Variants in ADORA2B observed in about 807,000 individuals in gnomAD.
The protein encoded by ADORA2B is adenosine receptor A2b.
ADORA2B carries 18 observed loss-of-function variants against 20.8 expected under a neutral mutation model. The ratio of observed to expected loss-of-function variants is 0.87; its 90% CI spans 0.60 to 1.29. ADORA2B has a LOEUF of 1.29. Among genes scored for constraint, ADORA2B ranks in the 50% most tolerant of loss-of-function variants. The pLI is 0.00. For synonymous variants in ADORA2B, 179 were observed against 178.3 expected, an observed-to-expected ratio of 1.00 and a Z score of -0.03; for missense variants, 441 against 422.7, an observed-to-expected ratio of 1.04 and a Z score of -0.38.
the ADORA2B span, among the ~76,000 whole-genome samples, chr17:15,903,396 GTC>G: frequency 3.3e-5 from 5 of 152,186 alleles, no homozygotes; most frequent in African/African-American, 1.2e-4. Flanking sequence ...CTGTATTTTT[GTC>G]TAGATACAGT....
the ADORA2B span, among the ~76,000 whole-genome samples, chr17:15,912,125 G>C: frequency 6.6e-6 from 1 of 150,692 alleles, no homozygotes; most frequent in Non-Finnish European, 1.5e-5. Flanking sequence ...GAGGCAGGGA[G>C]AATCGCTTGA....
chr17:15,857,857 A>G, the ADORA2B span, among the ~76,000 whole-genome samples: 16 of 151,956 alleles, frequency 1.1e-4, no homozygotes, highest in African/African-American at 3.9e-4. Context: ...TCCTTCTGTG[A>G]CCGGCTTCTT....
At chr17:15,878,065 A>C in the ADORA2B span, among the ~76,000 whole-genome samples, 1 of 151,964 alleles carries the variant, frequency 6.6e-6, no homozygotes, top group Non-Finnish European at 1.5e-5. Flanking sequence ...CTGTGAGTGC[A>C]TGCGTTTCAT....
At chr17:15,905,934 G>A in the ADORA2B span, among the ~76,000 whole-genome samples, 14 of 152,342 alleles carry the variant, frequency 9.2e-5, no homozygotes, top group African/African-American at 3.1e-4. Flanking sequence ...GATTACAGGC[G>A]TGAGCCACTG....
At chr17:15,957,192 C>T (rs1406640984) in intron 1 of ADORA2B, among the ~76,000 whole-genome samples, 1 of 152,196 alleles carries the variant, frequency 6.6e-6, no homozygotes, top group Non-Finnish European at 1.5e-5. Context: ...CCAGAGAAGG[C>T]TGATGTTTGA....
At chr17:15,922,128 A>T in the ADORA2B span, among the ~76,000 whole-genome samples, 402 of 152,320 alleles carry the variant, frequency 2.6e-3, 1 homozygote, top group African/African-American at 8.9e-3. Context: ...ATTATGAAAA[A>T]ATATACAGTG....
At chr17:15,963,611 G>A (rs1970066083) in intron 1 of ADORA2B, among the ~76,000 whole-genome samples, 1 of 152,186 alleles carries the variant, frequency 6.6e-6, no homozygotes, top group African/African-American at 2.4e-5. Flanking sequence ...CTGGAGCCCA[G>A]TAGCTTTGGG....
At chr17:15,867,602 C>T in the ADORA2B span, among the ~76,000 whole-genome samples, 197 of 149,760 alleles carry the variant, frequency 1.3e-3, 5 homozygotes, top group African/African-American at 4.9e-3. Context: ...CGGCCAGCCA[C>T]CCCGTCGGGA....
the ADORA2B span, among the ~76,000 whole-genome samples, chr17:15,924,152 A>T: frequency 6.6e-6 from 1 of 152,050 alleles, no homozygotes; most frequent in African/African-American, 2.4e-5. Flanking sequence ...ACCTCAGGTG[A>T]TCCACCCGCC....
intron 1 of ADORA2B, among the ~76,000 whole-genome samples, chr17:15,950,594 G>T (rs1001444374): frequency 6.6e-6 from 1 of 152,102 alleles, no homozygotes; most frequent in Non-Finnish European, 1.5e-5. Context: ...AGCAGCTCCT[G>T]GTGGGCACTG....
chr17:15,940,553 A>T (rs1029552276), upstream of ADORA2B, among the ~76,000 whole-genome samples: 2 of 152,190 alleles, frequency 1.3e-5, no homozygotes, highest in Non-Finnish European at 2.9e-5. Context: ...ATCTTTATGT[A>T]CAAGCCAGTG....
At chr17:15,942,149 A>G (rs1969750936), upstream of ADORA2B, among the ~76,000 whole-genome samples, 2 of 152,136 alleles carry the variant, frequency 1.3e-5, no homozygotes, top group South Asian at 4.1e-4. Context: ...GTCCTCCCAA[A>G]TCTCATGCTG....
chr17:15,968,854 G>C (rs921298080), intron 1 of ADORA2B, among the ~76,000 whole-genome samples: 11 of 152,206 alleles, frequency 7.2e-5, no homozygotes, highest in African/African-American at 1.9e-4. Context: ...TGCATAGGCG[G>C]TGGCAGCTGT....
At chr17:15,900,272 C>A in the ADORA2B span, among the ~76,000 whole-genome samples, 2 of 151,920 alleles carry the variant, frequency 1.3e-5, no homozygotes, top group African/African-American at 4.8e-5. Flanking sequence ...GGATATATAC[C>A]CAGTAATGGG....
At chr17:15,879,983 G>A in the ADORA2B span, among the ~76,000 whole-genome samples, 1 of 149,206 alleles carries the variant, frequency 6.7e-6, no homozygotes. Flanking sequence ...CTCTAACAGT[G>A]AAGACTGAAG....
chr17:15,921,957 C>T, the ADORA2B span, among the ~76,000 whole-genome samples: 1 of 152,182 alleles, frequency 6.6e-6, no homozygotes, highest in Non-Finnish European at 1.5e-5. Flanking sequence ...ATGGCTACAC[C>T]TAGCTTCAAG....
the ADORA2B span, among the ~76,000 whole-genome samples, chr17:15,867,564 G>C: frequency 6.7e-6 from 1 of 150,182 alleles, no homozygotes; most frequent in African/African-American, 2.5e-5. Context: ...ACCCCGTCCG[G>C]GAGGGAGGCG....
chr17:15,871,173 A>T, the ADORA2B span, among the ~76,000 whole-genome samples: 139 of 152,244 alleles, frequency 9.1e-4, no homozygotes, highest in African/African-American at 3.3e-3. Flanking sequence ...GTATGAAACT[A>T]TGAGGAATAA....
chr17:15,924,822 C>A, the ADORA2B span, among the ~76,000 whole-genome samples: 2 of 151,938 alleles, frequency 1.3e-5, no homozygotes, highest in African/African-American at 2.4e-5. Flanking sequence ...TGTTTACCCC[C>A]CTTAGCCCCT....
Sources: allele counts gnomAD v4.1 joint callset (sites outside exome capture counted in the v4.1 genomes callset), GRCh38; gene constraint gnomAD v4.1.1; transcripts MANE v1.5; gene names NCBI Gene and HGNC (gene_info 2026-07-23, HGNC 2026-07-21).